SH2D5: variants seen among roughly 807,000 people sequenced by gnomAD.
SH2D5 encodes the protein SH2 domain-containing protein 5.
SH2D5 carries 45 observed loss-of-function variants against 48.2 expected under a neutral mutation model. That is an observed-to-expected ratio of 0.93 (90% confidence interval 0.73 to 1.20). The LOEUF is 1.20. SH2D5 is among the 50% of genes most tolerant of loss of function. The pLI is 0.00. For missense variants in SH2D5, 538 were observed against 584.1 expected, an observed-to-expected ratio of 0.92 and a Z score of 0.81; for synonymous variants, 230 against 249.8, an observed-to-expected ratio of 0.92 and a Z score of 0.75.
At chr1:20,722,630 G>A in intron 9 of SH2D5, 126 bp downstream of exon 9, 1 of 1,013,482 alleles carries the variant, frequency 9.9e-7, no homozygotes, top group Non-Finnish European at 1.4e-6. Context: ...GAGAGCCAAT[G>A]GGAGACAGGG....
At position 20,728,215 on chromosome 1, in the gene SH2D5, G is replaced by T; in HGVS notation, c.-42-129C>A. Reference sequence around the variant, plus strand: ...GCAGCACGGCTGCGCAATGTCCCGGGCCCTGGGGAGCCAGCCCAGAAGAAA... The same window carrying T: ...GCAGCACGGCTGCGCAATGTCCCGGTCCCTGGGGAGCCAGCCCAGAAGAAA... On this transcript the variant is annotated intron_variant, in intron 1 of 9. Coordinates refer to ENST00000444387, the MANE Select transcript of SH2D5 (RefSeq NM_001103161.2). The surrounding 1 kb of genome is among the most constrained non-coding windows in gnomAD (Gnocchi z 4.3). 1.7e-6 allele frequency: 1 copy of T among 598,266 alleles called. No homozygotes were observed. The highest frequency in any genetic ancestry group is 3.0e-6 in the Non-Finnish European group (1 of 336,388). 37.1% of individuals were successfully genotyped at this position (598,266 alleles called of 1,614,324 possible). A position where few individuals can be genotyped will look rare whatever the true frequency, so the allele number is the denominator to read the frequency against.
chr1:20,727,199 C>A, intron 3 of SH2D5, 124 bp from the exon 4 acceptor site: 1 of 826,738 alleles, frequency 1.2e-6, no homozygotes, highest in Non-Finnish European at 1.9e-6. Context: ...GGGGGTGGGG[C>A]CCTGGCTGGT....
chr1:20,727,793 T>C (rs2054830998), intron 2 of SH2D5, among the ~76,000 whole-genome samples, 165 bp downstream of exon 2: 1 of 152,192 alleles, frequency 6.6e-6, no homozygotes, highest in Non-Finnish European at 1.5e-5. Context: ...ACTGAAGCTC[T>C]CTGAAGTCCC....
At chr1:20,726,890 G>A in intron 4 of SH2D5, 111 bp downstream of exon 4, 2 of 882,858 alleles carry the variant, frequency 2.3e-6, no homozygotes, top group South Asian at 4.8e-5. Context: ...GGACCCCAGG[G>A]GAAGCACGGG....
rs756379859 is a variant in SH2D5 at position 20,723,707 on chromosome 1, C to T, written c.827G>A (p.Arg276Gln). ...AFPAAWEAWP[R>Q]GPGGHSCLVE... ...CAGGCACGAGTGGCCACCAGGACCC[C>T]GGGGCCATGCCTCCCATGCGGCAGG... Residue 276 changes from arginine to glutamine, a missense_variant, in exon 8 of 10, where the codon CGG (arginine) becomes CAG (glutamine). Arg to Gln is a conservative substitution (Grantham distance 43). Transcript: ENST00000444387. The T allele has an allele frequency of 7.4e-6, 12 of 1,612,836 alleles. No individual in the cohort carries two copies. The highest frequency in any genetic ancestry group is 3.3e-5 in the Admixed American group (2 of 59,980).
chr1:20,724,226 C>A lies in SH2D5; in HGVS notation c.656G>T (p.Arg219Leu). ...SGKELPESEG[R>L]ARHARLGNPY... ...ATTCCCCAGGCGGGCATGGCGGGCACGGCCTTCCGACTCTGGCAGCTCCTT... is the reference window on the plus strand; with the variant it reads ...ATTCCCCAGGCGGGCATGGCGGGCAAGGCCTTCCGACTCTGGCAGCTCCTT... Residue 219 changes from arginine (R) to leucine (L), a missense_variant, in exon 7 of 10, where the codon CGT becomes CTT. Transcript: ENST00000444387. 6.2e-7 allele frequency: 1 copy of A among 1,612,762 alleles called. No individual in the cohort carries two copies. The highest frequency in any genetic ancestry group is 8.5e-7 in the Non-Finnish European group (1 of 1,179,964).
In SH2D5 at chr1:20,721,377, CA is replaced by C; in HGVS notation, c.*414del. The C allele has an allele frequency of 1.1e-5, 2 of 175,162 alleles. No individual in the cohort carries two copies. The highest frequency in any genetic ancestry group is 2.4e-5 in the Non-Finnish European group (2 of 83,862). The allele number at this position is 175,162 out of a possible 1,614,324, so 10.9% of individuals were successfully genotyped here. A position where few individuals can be genotyped will look rare whatever the true frequency, so the allele number is the denominator to read the frequency against. On this transcript the variant is annotated 3_prime_UTR_variant, in exon 10 of 10. Transcript: ENST00000444387. ...GAGTAAAAGCTCACTCCTGCCTCCC[CA>C]AAACCCTCTTTCTGGAGACTCCCAG... is the stretch of plus-strand genomic sequence containing the variant.
chr1:20,726,955 C>CT, intron 4 of SH2D5, 46 bp downstream of exon 4: 1 of 1,511,280 alleles, frequency 6.6e-7, no homozygotes, highest in Middle Eastern at 1.7e-4. Context: ...AGGGTGGAGA[C>CT]ACCTGTACCC....
chr1:20,724,920 C>G (rs1007317905), intron 5 of SH2D5, among the ~76,000 whole-genome samples: 1 of 152,222 alleles, frequency 6.6e-6, no homozygotes, highest in Non-Finnish European at 1.5e-5. Flanking sequence ...CTCCTGCCCC[C>G]AGGCTTACCA....
In SH2D5 at chr1:20,727,480, G is replaced by A. The variant is rs2054823531; in HGVS notation, c.168+43C>T. The A allele has an allele frequency of 1.9e-6, 3 of 1,540,554 alleles. No homozygotes were observed. In the South Asian group the frequency reaches 3.5e-5, roughly 18 times the overall value. The stretch of plus-strand genomic sequence containing the variant: ...GTCTAGGGGGTTACCTGGTCTTCAA[G>A]GCTGTGACTTCCACTAGGGAAGTGC... On this transcript the variant is annotated intron_variant, in intron 3 of 9. Coordinates refer to ENST00000444387, the MANE Select transcript of SH2D5 (RefSeq NM_001103161.2).
In SH2D5 at chr1:20,724,410, G is replaced by C; in HGVS notation, c.616C>G (p.Leu206Val). 1.9e-6 allele frequency: 3 copies of C among 1,612,842 alleles called. No individual in the cohort carries two copies. In the South Asian group the frequency reaches 3.3e-5, roughly 18 times the overall value. ...VSFRRLPAEG[L>V]VGSGKELPES... Reference sequence around the variant, plus strand: ...GTGCTGCGTACCCCACTGCCCACCAGCCCCTCTGCTGGCAGCCGCCGAAAG... The same window carrying C: ...GTGCTGCGTACCCCACTGCCCACCACCCCCTCTGCTGGCAGCCGCCGAAAG... The change falls in exon 6 of 10, where the codon CTG becomes GTG. Residue 206 changes from leucine (L) to valine (V), a missense_variant. Physicochemically the swap from Leu to Val is conservative, Grantham distance 32 (BLOSUM62 1). Coordinates refer to ENST00000444387, the MANE Select transcript of SH2D5 (RefSeq NM_001103161.2).
chr1:20,723,812 G>T, intron 7 of SH2D5, 78 bp from the exon 8 acceptor site: 1 of 1,253,602 alleles, frequency 8.0e-7, no homozygotes, highest in Non-Finnish European at 1.1e-6. Context: ...TCATCACCCA[G>T]GGTGGTGTCC....
Position 20,728,089 on chromosome 1 carries a change from G to A in SH2D5, c.-42-3C>T, listed in dbSNP as rs371309304. 1.4e-6 allele frequency: 2 copies of A among 1,390,504 alleles called. No homozygotes were observed. Among genetic ancestry groups the A allele is most frequent in the Non-Finnish European group, 2.0e-6 (2 of 1,013,668 alleles). The allele number at this position is 1,390,504 out of a possible 1,614,324, so 86.1% of individuals were successfully genotyped here. On this transcript the variant is annotated splice_polypyrimidine_tract_variant and splice_region_variant and intron_variant, in intron 1 of 9. Coordinates refer to ENST00000444387, the MANE Select transcript of SH2D5 (RefSeq NM_001103161.2). This position sits in a 1 kb window ranked among gnomAD's most constrained non-coding sequence, Gnocchi z 4.3. ...TTCCAGCTCCACGGGAGGGGAGGCT[G>A]CAAAGGGCAGGGGGGGAAGGGCTGC...
Position 20,724,064 on chromosome 1 carries a change from G to T in SH2D5, c.799+19C>A. 1.2e-6 allele frequency: 2 copies of T among 1,605,988 alleles called. No homozygotes were observed. Among genetic ancestry groups the T allele is most frequent in the South Asian group, 1.1e-5 (1 of 90,876 alleles). On this transcript the variant is annotated intron_variant, in intron 7 of 9. Transcript: ENST00000444387. ...CGTGTCCCAGGTACACACAGGGCAG[G>T]CATGTTCCCACAACTCACAGGCCTC...
intron 5 of SH2D5, among the ~76,000 whole-genome samples, chr1:20,725,228 C>T (rs1377546348): frequency 6.6e-6 from 1 of 152,258 alleles, no homozygotes; most frequent in East Asian, 1.9e-4. Flanking sequence ...GAACCGTGAG[C>T]GTCAGCTCAA....
In SH2D5 at chr1:20,729,619, G is replaced by A. The variant is rs986056234; in HGVS notation, c.-42-1533C>T. Among the ~76,000 whole-genome samples the A allele has an allele frequency of 3.3e-5, 5 of 152,084 alleles. No homozygotes were observed. The highest frequency in any genetic ancestry group is 6.5e-5 in the Admixed American group (1 of 15,274). Reference sequence around the variant, plus strand: ...CTTGTCCTTGGCCACACCGACAGGCGCCCACAGAGAGCAGGTATCCAACAG... The same window carrying A: ...CTTGTCCTTGGCCACACCGACAGGCACCCACAGAGAGCAGGTATCCAACAG... On this transcript the variant is annotated intron_variant, in intron 1 of 9. Transcript: ENST00000444387. This position sits in a 1 kb window ranked among gnomAD's most constrained non-coding sequence, Gnocchi z 4.2.
At position 20,724,552 on chromosome 1, in the gene SH2D5, C is replaced by G. The variant is rs2054758865; in HGVS notation, c.474G>C (p.Glu158Asp). 50 of 1,603,930 alleles carry G rather than the reference C, an allele frequency of 3.1e-5. No individual in the cohort carries two copies. The highest frequency in any genetic ancestry group is 4.3e-5 in the Non-Finnish European group (50 of 1,176,212). ...LQHPEERAQPEPCPGPTGEVP... is the reference protein window; with the variant it reads ...LQHPEERAQPDPCPGPTGEVP... ...CCTCCCCTGTGGGCCCTGGGCAGGG[C>G]TCTGGCTGTGCCCGCTCCTCAGGGT... is the stretch of plus-strand genomic sequence containing the variant. Residue 158 changes from glutamate (E) to aspartate (D), a missense_variant, in exon 6 of 10, where the codon GAG becomes GAC. Glu to Asp is a conservative substitution (Grantham distance 45). Transcript: ENST00000444387.
At position 20,728,212 on chromosome 1, in the gene SH2D5, C is replaced by A; in HGVS notation, c.-42-126G>T. 1.7e-6 allele frequency: 1 copy of A among 602,788 alleles called. No homozygotes were observed. The highest frequency in any genetic ancestry group is 2.9e-6 in the Non-Finnish European group (1 of 340,364). The allele number at this position is 602,788 out of a possible 1,614,324, so 37.3% of individuals were successfully genotyped here. ...TGTGCAGCACGGCTGCGCAATGTCC[C>A]GGGCCCTGGGGAGCCAGCCCAGAAG... On this transcript the variant is annotated intron_variant, in intron 1 of 9. Transcript: ENST00000444387. This position sits in a 1 kb window ranked among gnomAD's most constrained non-coding sequence, Gnocchi z 4.3.
Position 20,724,168 on chromosome 1 carries a change from C to G in SH2D5, c.714G>C (p.Lys238Asn). ...AGCGGATCACCTTGCTGCGAATGGC[C>G]TTCTTGCGCACCAGCGTGGGCGAGC... ...PYCSPTLVRK[K>N]AIRSKVIRSG... is the part of the protein sequence containing the mutation. Residue 238 changes from lysine to asparagine, a missense_variant, in exon 7 of 10, where the codon AAG (lysine) becomes AAC (asparagine). Lys to Asn is a moderately conservative substitution (Grantham distance 94, BLOSUM62 0). Coordinates refer to ENST00000444387, the MANE Select transcript of SH2D5 (RefSeq NM_001103161.2). 6.2e-7 allele frequency: 1 copy of G among 1,613,052 alleles called. No homozygotes were observed. The highest frequency in any genetic ancestry group is 1.1e-5 in the South Asian group (1 of 91,078).
Sources: allele counts gnomAD v4.1 joint callset (sites outside exome capture counted in the v4.1 genomes callset), GRCh38; gene constraint gnomAD v4.1.1; non-coding constraint Gnocchi (gnomAD v3.1); transcripts MANE v1.5; gene names NCBI Gene and HGNC (gene_info 2026-07-23, HGNC 2026-07-21).